The following CFAP43 variants were observed in gnomAD, a reference collection of about 807,000 sequenced individuals.
CFAP43 encodes cilia and flagella associated protein 43, also known as cilia- and flagella-associated protein 43.
A neutral mutation model predicts 218.9 loss-of-function variants in CFAP43; 155 were observed. That is an observed-to-expected ratio of 0.71 (90% CI 0.62 to 0.81). The LOEUF (loss-of-function observed/expected upper bound fraction) is 0.81. CFAP43 is among the 30% of genes least tolerant of loss of function. CFAP43 has a pLI of 0.00. For missense variants in CFAP43, 1,778 were observed against 1,954.3 expected (o/e 0.91, Z 1.70); for synonymous variants, 645 against 681.3 (o/e 0.95, Z 0.83).
intron 24 of CFAP43, among the ~76,000 whole-genome samples, chr10:104,163,206 T>C (rs2088968457): frequency 6.6e-6 from 1 of 152,194 alleles, no homozygotes; most frequent in African/African-American, 2.4e-5. Flanking sequence ...GTGGTCAAAC[T>C]ACTCAAACTC....
At chr10:104,191,341 C>CT (rs1004323773) in intron 12 of CFAP43, among the ~76,000 whole-genome samples, 10 of 152,206 alleles carry the variant, frequency 6.6e-5, no homozygotes, top group Admixed American at 1.3e-4. Flanking sequence ...TTATACCAGA[C>CT]TTTTTTACCA....
intron 20 of CFAP43, 61 bp downstream of exon 20, chr10:104,172,349 C>A: frequency 6.4e-7 from 1 of 1,565,812 alleles, no homozygotes; most frequent in Admixed American, 2.1e-5. Context: ...GTTCCCATTC[C>A]TATTATCTTT....
chr10:104,146,625 T>G (rs935364679), intron 29 of CFAP43, among the ~76,000 whole-genome samples: 2 of 152,132 alleles, frequency 1.3e-5, no homozygotes, highest in South Asian at 4.1e-4. Context: ...GTGTGGAGGA[T>G]GAAAGTGCAC....
chr10:104,158,523 C>T (rs932264679), intron 27 of CFAP43, among the ~76,000 whole-genome samples: 2 of 151,870 alleles, frequency 1.3e-5, no homozygotes, highest in African/African-American at 2.4e-5. Flanking sequence ...AAATAAGCCT[C>T]GATTTTTAAA....
intron 5 of CFAP43, among the ~76,000 whole-genome samples, chr10:104,211,736 G>T (rs1390654759): frequency 6.6e-6 from 1 of 152,128 alleles, no homozygotes; most frequent in Non-Finnish European, 1.5e-5. Flanking sequence ...CCACCTAGGT[G>T]TCTTCCCTGC....
At chr10:104,209,556 C>T (rs2090791145) in intron 5 of CFAP43, among the ~76,000 whole-genome samples, 1 of 152,158 alleles carries the variant, frequency 6.6e-6, no homozygotes, top group Non-Finnish European at 1.5e-5. Context: ...GAAGGCATTT[C>T]ATAGCATTTC....
Position 104,179,075 on chromosome 10 carries a change from T to C in CFAP43, c.2414A>G (p.Lys805Arg). Reference sequence around the variant, plus strand: ...TCCTTGTTTTATCTCTTTCCTTTTCTTGGAAAACAGATTAACCTCCTTTTT... The same window carrying C: ...TCCTTGTTTTATCTCTTTCCTTTTCCTGGAAAACAGATTAACCTCCTTTTT... The part of the protein sequence containing the change: ...AIKKEVNLFS[K>R]KRKEIKQGIK... The change falls in exon 19 of 38, where the codon AAG becomes AGG. Residue 805 changes from lysine to arginine, a missense_variant. Around this residue, in one of 3 missense-constraint regions of CFAP43, gnomAD observed 1,553 missense variants for 1,685.2 expected, o/e 0.92. Coordinates refer to ENST00000357060, the MANE Select transcript of CFAP43 (RefSeq NM_025145.7). 1 of 1,613,546 alleles carries C rather than the reference T, an allele frequency of 6.2e-7. No individual in the cohort carries two copies. The highest frequency in any genetic ancestry group is 8.5e-7 in the Non-Finnish European group (1 of 1,179,792).
rs747748851 is a variant in CFAP43, at chr10:104,188,331, C to T, written c.1626G>A (p.Ser542=). 9.3e-6 allele frequency: 15 copies of T among 1,614,076 alleles called. No individual in the cohort carries two copies. Among genetic ancestry groups the T allele is most frequent in the South Asian group, 3.3e-5 (3 of 91,068 alleles). Reference sequence around the variant, plus strand: ...ACCTGCTTCTCCCTGCTTCTGGAAGCGAGGAAAGCACCATCACTTCCACTA... The same window carrying T: ...ACCTGCTTCTCCCTGCTTCTGGAAGTGAGGAAAGCACCATCACTTCCACTA... ...TDIVEVMVLS[S]LPEAGRSRLE... is the part of the protein sequence containing the mutation. The change falls in exon 13 of 38, where the codon TCG becomes TCA. Residue 542 remains serine (S), a synonymous_variant. Coordinates refer to ENST00000357060, the MANE Select transcript of CFAP43 (RefSeq NM_025145.7).
At chr10:104,167,425 A>G (rs1287797720) in intron 22 of CFAP43, among the ~76,000 whole-genome samples, 196 bp downstream of exon 22, 2 of 152,198 alleles carry the variant, frequency 1.3e-5, no homozygotes, top group Non-Finnish European at 2.9e-5. Flanking sequence ...GTTGTATAGG[A>G]TACAGGCTCC....
intron 3 of CFAP43, among the ~76,000 whole-genome samples, chr10:104,217,018 C>T (rs2091029891): frequency 2.0e-5 from 3 of 152,232 alleles, no homozygotes; most frequent in African/African-American, 7.2e-5. Flanking sequence ...TTCTTACTTA[C>T]ATTTCACACT....
intron 27 of CFAP43, among the ~76,000 whole-genome samples, chr10:104,155,196 C>T (rs1463932476): frequency 2.6e-5 from 4 of 152,152 alleles, no homozygotes; most frequent in Admixed American, 6.5e-5. Context: ...CTCCATCAGC[C>T]GGTCACTGGC....
At chr10:104,170,199 GA>G (rs200039615) in intron 20 of CFAP43, among the ~76,000 whole-genome samples, 1 of 148,012 alleles carries the variant, frequency 6.8e-6, no homozygotes, top group Non-Finnish European at 1.5e-5. Context: ...CAGAGCTCAA[GA>G]AAAAAAAATA....
In CFAP43 at chr10:104,161,049, A is replaced by C. The variant is rs891215070; in HGVS notation, c.3528T>G (p.Asp1176Glu). 1.6e-5 allele frequency: 25 copies of C among 1,608,140 alleles called. No homozygotes were observed. Among genetic ancestry groups the C allele is most frequent in the Non-Finnish European group, 2.1e-5 (25 of 1,175,350 alleles). The change falls in exon 27 of 38, where the codon GAT becomes GAG. Residue 1176 changes from aspartate (D) to glutamate (E), a missense_variant. This residue lies in a region of CFAP43 where 1,553 missense variants were observed against 1,685.2 expected (regional missense o/e 0.92). Transcript: ENST00000357060. ...KKVKELNEER[D>E]KYRKSLEAEL... ...TTGCTCTTCTGACCTTTCTATACTTATCTCTTTCTTCATTTAACTCCTTTA... is the reference window on the plus strand; with the variant it reads ...TTGCTCTTCTGACCTTTCTATACTTCTCTCTTTCTTCATTTAACTCCTTTA...
intron 30 of CFAP43, 44 bp downstream of exon 30, chr10:104,146,219 A>G (rs750919395): frequency 6.7e-7 from 1 of 1,501,154 alleles, no homozygotes; most frequent in Non-Finnish European, 9.3e-7. Flanking sequence ...CCAGGCAGCA[A>G]CAACTCTACT....
At chr10:104,159,027 T>C (rs915939142) in intron 27 of CFAP43, among the ~76,000 whole-genome samples, 7 of 152,108 alleles carry the variant, frequency 4.6e-5, no homozygotes, top group African/African-American at 1.7e-4. Flanking sequence ...GTGAAAAAAA[T>C]AATCCAATGT....
chr10:104,149,400 A>G (rs114245437), intron 28 of CFAP43, among the ~76,000 whole-genome samples: 2,815 of 152,274 alleles, frequency 0.018, 93 homozygotes, highest in African/African-American at 0.065. Context: ...ACTTTTATAA[A>G]GAGATGCTTC....
At chr10:104,182,636 G>T in intron 16 of CFAP43, 123 bp from the exon 17 acceptor site, 1 of 951,606 alleles carries the variant, frequency 1.1e-6, no homozygotes, top group Non-Finnish European at 1.4e-6. Flanking sequence ...AAGGAAATAT[G>T]TGGACAATTC....
At chr10:104,174,082 CTAGA>C (rs1289848339) in intron 19 of CFAP43, among the ~76,000 whole-genome samples, 1 of 151,920 alleles carries the variant, frequency 6.6e-6, no homozygotes, top group African/African-American at 2.4e-5. Flanking sequence ...GATAGTCTAC[CTAGA>C]TAATCTAAGA....
At chr10:104,159,167 G>T (rs2088739387) in intron 27 of CFAP43, among the ~76,000 whole-genome samples, 1 of 151,912 alleles carries the variant, frequency 6.6e-6, no homozygotes, top group South Asian at 2.1e-4. Context: ...CACGATACAA[G>T]ATTTTTTTTT....
Sources: gnomAD v4.1 joint callset for allele counts (sites outside exome capture counted in the v4.1 genomes callset) on GRCh38, gnomAD v4.1.1 for gene constraint, gnomAD v4.1.1 regional missense constraint, MANE v1.5 for transcripts, NCBI Gene and HGNC (gene_info 2026-07-23, HGNC 2026-07-21) for gene names.